Variants in DCBLD2 observed in about 807,000 individuals in gnomAD.
DCBLD2 encodes the protein discoidin, CUB and LCCL domain-containing protein 2.
A neutral mutation model predicts 86.8 loss-of-function variants in DCBLD2; 54 were observed. That is an observed-to-expected ratio of 0.62 (90% CI 0.50 to 0.78). The LOEUF is 0.78. Among genes scored for constraint, DCBLD2 ranks in the 30% least tolerant of loss-of-function variants. The probability of loss-of-function intolerance (pLI) is 0.00; values close to 1 mark genes in which losing one functional copy is unlikely to be tolerated. For synonymous variants in DCBLD2, 354 were observed against 341.3 expected, an observed-to-expected ratio of 1.04 and a Z score of -0.41; for missense variants, 908 against 954.2, an observed-to-expected ratio of 0.95 and a Z score of 0.64.
intron 2 of DCBLD2, among the ~76,000 whole-genome samples, chr3:98,874,719 C>A (rs1243038046): frequency 6.6e-6 from 1 of 152,116 alleles, no homozygotes; most frequent in Admixed American, 6.5e-5. Context: ...GGCGCTGATC[C>A]AACAGGATTA....
intron 1 of DCBLD2, among the ~76,000 whole-genome samples, chr3:98,891,696 T>C (rs1416150991): frequency 6.6e-6 from 1 of 152,102 alleles, no homozygotes; most frequent in Non-Finnish European, 1.5e-5. Flanking sequence ...CACAACCTCT[T>C]TGTTCCACAG....
At chr3:98,891,843 T>C (rs918391233) in intron 1 of DCBLD2, among the ~76,000 whole-genome samples, 3 of 152,170 alleles carry the variant, frequency 2.0e-5, no homozygotes, top group African/African-American at 7.2e-5. Flanking sequence ...GTTATTTTCT[T>C]TGTGAAACCT....
At chr3:98,896,998 C>T (rs1180970067) in intron 1 of DCBLD2, among the ~76,000 whole-genome samples, 3 of 152,162 alleles carry the variant, frequency 2.0e-5, no homozygotes, top group African/African-American at 7.2e-5. Context: ...TAAGTGTAGT[C>T]CTAAATTTAA....
At chr3:98,896,770 T>C (rs750791335) in intron 1 of DCBLD2, among the ~76,000 whole-genome samples, 1 of 152,188 alleles carries the variant, frequency 6.6e-6, no homozygotes, top group Non-Finnish European at 1.5e-5. Flanking sequence ...AGGAGCCACA[T>C]CAGAAAAATT....
chr3:98,879,504 A>G (rs1420859176), intron 2 of DCBLD2, among the ~76,000 whole-genome samples: 1 of 151,912 alleles, frequency 6.6e-6, no homozygotes, highest in East Asian at 1.9e-4. Flanking sequence ...CTCCTCCCTC[A>G]GCCTCCCAAG....
At chr3:98,896,763 A>T (rs1943757627) in intron 1 of DCBLD2, among the ~76,000 whole-genome samples, 1 of 152,230 alleles carries the variant, frequency 6.6e-6, no homozygotes, top group African/African-American at 2.4e-5. Context: ...CGAATCCAGG[A>T]GCCACATCAG....
At chr3:98,840,650 C>G (rs1942603647) in intron 3 of DCBLD2, among the ~76,000 whole-genome samples, 1 of 152,100 alleles carries the variant, frequency 6.6e-6, no homozygotes, top group African/African-American at 2.4e-5. Flanking sequence ...CATGTGCCAC[C>G]ACACCCAACT....
intron 2 of DCBLD2, among the ~76,000 whole-genome samples, chr3:98,857,561 TC>T (rs1193614966): frequency 6.6e-6 from 1 of 152,108 alleles, no homozygotes; most frequent in Non-Finnish European, 1.5e-5. Context: ...GTTCTCCACA[TC>T]CCCACGAGAT....
intron 3 of DCBLD2, among the ~76,000 whole-genome samples, chr3:98,844,292 A>G (rs1234389544): frequency 5.3e-5 from 8 of 151,708 alleles, no homozygotes; most frequent in African/African-American, 1.9e-4. Flanking sequence ...TTCAATTCCA[A>G]TGACAACCAC....
chr3:98,863,100 A>G (rs1943076010), intron 2 of DCBLD2, among the ~76,000 whole-genome samples: 1 of 152,222 alleles, frequency 6.6e-6, no homozygotes, highest in Admixed American at 6.5e-5. Flanking sequence ...GAGCCAAATC[A>G]TGAGTGAACT....
chr3:98,825,231 G>A (rs1221556877), intron 4 of DCBLD2, 84 bp downstream of exon 4: 2 of 1,011,806 alleles, frequency 2.0e-6, no homozygotes, highest in Non-Finnish European at 2.8e-6. Context: ...TTAACCCTAA[G>A]AGTATACAGA....
At chr3:98,806,290 T>C (rs114339942) in intron 13 of DCBLD2, among the ~76,000 whole-genome samples, 31 of 152,266 alleles carry the variant, frequency 2.0e-4, no homozygotes, top group African/African-American at 7.5e-4. Context: ...AAATTGAAAA[T>C]AGAAAATACA....
At chr3:98,818,959 T>C (rs1942069554) in intron 8 of DCBLD2, among the ~76,000 whole-genome samples, 1 of 152,156 alleles carries the variant, frequency 6.6e-6, no homozygotes. Context: ...AAACTCCCCT[T>C]TATATATACA....
At chr3:98,884,713 T>C (rs1943529130) in intron 1 of DCBLD2, among the ~76,000 whole-genome samples, 1 of 152,054 alleles carries the variant, frequency 6.6e-6, no homozygotes, top group Non-Finnish European at 1.5e-5. Context: ...ACAAAGTAAC[T>C]CAAAATATAA....
rs1943345763 is a variant in DCBLD2, at chr3:98,875,087, C to T, written c.433+6453G>A. The stretch of plus-strand genomic sequence containing the variant: ...AGCCAATACAATTAGATAAAAGAAT[C>T]AACCATAGGCATAAGAAATGGAAAA... On this transcript the variant is annotated intron_variant, in intron 2 of 15. Coordinates refer to ENST00000326840, the MANE Select transcript of DCBLD2 (RefSeq NM_080927.4). 2.0e-5 allele frequency among the ~76,000 whole-genome samples: 3 copies of T among 152,108 alleles called. No homozygotes were observed. In the South Asian group the frequency reaches 6.2e-4, roughly 32 times the overall value.
chr3:98,822,628 A>G, intron 5 of DCBLD2, 41 bp downstream of exon 5: 1 of 1,512,308 alleles, frequency 6.6e-7, no homozygotes, highest in Non-Finnish European at 8.9e-7. Flanking sequence ...AAAAAAATAG[A>G]GTTATATCAC....
At chr3:98,807,418 G>A (rs891505995) in intron 13 of DCBLD2, among the ~76,000 whole-genome samples, 4 of 152,158 alleles carry the variant, frequency 2.6e-5, no homozygotes, top group Admixed American at 2.0e-4. Context: ...CTGAGAGAGC[G>A]TGTTTATCCC....
intron 13 of DCBLD2, among the ~76,000 whole-genome samples, chr3:98,807,320 C>A (rs1941859167): frequency 6.6e-6 from 1 of 152,114 alleles, no homozygotes; most frequent in Non-Finnish European, 1.5e-5. Context: ...GAAATCCTAA[C>A]CCCCGTTAGA....
chr3:98,828,798 G>A (rs901752577), intron 3 of DCBLD2, among the ~76,000 whole-genome samples: 5 of 152,118 alleles, frequency 3.3e-5, no homozygotes, highest in Admixed American at 3.3e-4. Context: ...AAAATGGGGT[G>A]TATATACATA....
Sources: gnomAD v4.1 joint callset for allele counts (sites outside exome capture counted in the v4.1 genomes callset) on GRCh38, gnomAD v4.1.1 for gene constraint, MANE v1.5 for transcripts, NCBI Gene and HGNC (gene_info 2026-07-23, HGNC 2026-07-21) for gene names.